The following MCOLN3 variants were observed in gnomAD, a reference collection of about 807,000 sequenced individuals.
MCOLN3 encodes the protein mucolipin TRP cation channel 3, also known as mucolipin-3.
In MCOLN3, 62 loss-of-function variants were observed where a neutral mutation model predicts 69.4. The ratio of observed to expected loss-of-function variants is 0.89; its 90% CI spans 0.73 to 1.10. MCOLN3 has a LOEUF of 1.10. Among genes scored for constraint, MCOLN3 ranks in the 50% least tolerant of loss-of-function variants. The pLI is 0.00. For missense variants in MCOLN3, 564 were observed against 656.4 expected (o/e 0.86, Z 1.54); for synonymous variants, 183 against 217.0 (o/e 0.84, Z 1.38).
At position 85,032,714 on chromosome 1, in the gene MCOLN3, ACAGT is replaced by A. The variant is rs749540669; in HGVS notation, c.710_713del (p.Asp237ValfsTer6). ...CACTTACAGTCAGAGTAAAGTCATA[ACAGT>A]CAGGGAGTTCTTGATGACGAACTGT... On this transcript the variant is annotated frameshift_variant, in exon 6 of 13. Coordinates refer to ENST00000370589, the MANE Select transcript of MCOLN3 (RefSeq NM_018298.11). LOFTEE classifies it high-confidence loss of function. The A allele has an allele frequency of 1.2e-6, 2 of 1,613,490 alleles. No homozygotes were observed. The highest frequency in any genetic ancestry group is 2.2e-5 in the South Asian group (2 of 91,078).
rs981664778 is a variant in MCOLN3, at chr1:85,025,570, G to A, written c.1095+369C>T. On this transcript the variant is annotated intron_variant, in intron 9 of 12. Coordinates refer to ENST00000370589, the MANE Select transcript of MCOLN3 (RefSeq NM_018298.11). The stretch of plus-strand genomic sequence containing the variant: ...CCCCACTCATTTTTGTTAAAGATTC[G>A]AGCATTTCTTGTAAGATTAAAAAAA... The A allele has an allele frequency of 3.5e-5, 6 of 171,170 alleles. No homozygotes were observed. The South Asian group carries it at 7.4e-4, about 21-fold the overall frequency. 10.6% of individuals were successfully genotyped at this position (171,170 alleles called of 1,614,324 possible).
intron 7 of MCOLN3, among the ~76,000 whole-genome samples, chr1:85,028,219 G>A (rs1571099640): frequency 1.3e-5 from 2 of 152,094 alleles, no homozygotes; most frequent in East Asian, 3.8e-4. Flanking sequence ...TACTATCATG[G>A]CAAAATTTCA....
rs747689272 is a variant in MCOLN3, at chr1:85,026,011, C to T, written c.1023G>A (p.Trp341Ter). 2.4e-5 allele frequency: 39 copies of T among 1,599,216 alleles called. No individual in the cohort carries two copies. In the South Asian group the frequency reaches 4.1e-4, roughly 17 times the overall value. Residue 341 changes from tryptophan to a stop codon, truncating the protein, a stop_gained, in exon 9 of 13, where the codon TGG (tryptophan) becomes TGA (stop). Transcript: ENST00000370589. LOFTEE classifies it high-confidence loss of function. Reference protein sequence around the residue: ...VSDQMEFVNGWYIMIIISDIL... With the variant: ...VSDQMEFVNG ...TGTCACTAATAATAATCATAATGTA[C>T]CATCCATTGACAAATTCCATTTGAT... is the stretch of plus-strand genomic sequence containing the variant.
chr1:85,041,695 C>A (rs1413280032), intron 2 of MCOLN3, among the ~76,000 whole-genome samples: 3 of 151,890 alleles, frequency 2.0e-5, no homozygotes, highest in African/African-American at 4.8e-5. Context: ...CATGGTGAAA[C>A]CCCATCTCTA....
At chr1:85,024,204 C>T (rs1005689186) in intron 9 of MCOLN3, among the ~76,000 whole-genome samples, 1 of 151,928 alleles carries the variant, frequency 6.6e-6, no homozygotes, top group African/African-American at 2.4e-5. Flanking sequence ...TCAGAAACAA[C>T]AAGATTAACT....
intron 6 of MCOLN3, among the ~76,000 whole-genome samples, chr1:85,032,030 C>T (rs1305395434): frequency 5.9e-5 from 9 of 151,952 alleles, no homozygotes; most frequent in East Asian, 1.9e-4. Context: ...GAGCCGAGAT[C>T]GCGCCACTGC....
intron 11 of MCOLN3, 31 bp downstream of exon 11, chr1:85,022,039 T>C: frequency 3.1e-6 from 5 of 1,601,856 alleles, no homozygotes; most frequent in Non-Finnish European, 3.4e-6. Flanking sequence ...AAAAGCTTAA[T>C]AGTAACAGGA....
At chr1:85,030,244 T>A (rs1045303497) in intron 6 of MCOLN3, among the ~76,000 whole-genome samples, 2 of 152,170 alleles carry the variant, frequency 1.3e-5, no homozygotes, top group Non-Finnish European at 2.9e-5. Context: ...GGCCTCCAAC[T>A]TGTACAAATA....
At chr1:85,023,062 G>GTGA (rs1652026655) in intron 9 of MCOLN3, 2 of 150,176 alleles carry the variant, frequency 1.3e-5, no homozygotes, top group Admixed American at 6.7e-5. Flanking sequence ...AGTTGACCAG[G>GTGA]TGATTTTTAT....
Position 85,022,816 on chromosome 1 carries a change from A to C in MCOLN3, c.1096-416T>G, listed in dbSNP as rs1431814752. On this transcript the variant is annotated intron_variant, in intron 9 of 12. Coordinates refer to ENST00000370589, the MANE Select transcript of MCOLN3 (RefSeq NM_018298.11). ...TGAGACAGGAGGGTGCTTGGCAAGG[A>C]TATTGCATCTGGCTGGAGTGAGCAA... The C allele has an allele frequency of 7.8e-5, 14 of 179,850 alleles. 1 individual carries two copies. The highest frequency in any genetic ancestry group is 1.1e-5 in the Non-Finnish European group (1 of 86,966). The allele number at this position is 179,850 out of a possible 1,614,324, so 11.1% of individuals were successfully genotyped here.
At chr1:85,022,025 T>C in intron 11 of MCOLN3, 45 bp downstream of exon 11, 1 of 1,584,222 alleles carries the variant, frequency 6.3e-7, no homozygotes, top group Non-Finnish European at 8.6e-7. Context: ...ACTGGCACTA[T>C]GCTAAAAGCT....
At chr1:85,032,846 G>A in intron 5 of MCOLN3, 26 bp downstream of exon 5, 1 of 1,613,684 alleles carries the variant, frequency 6.2e-7, no homozygotes, top group Non-Finnish European at 8.5e-7. Flanking sequence ...GCAAACGTAA[G>A]TTACACTCCT....
intron 6 of MCOLN3, chr1:85,029,485 T>G (rs1199951482): frequency 3.7e-6 from 1 of 268,616 alleles, no homozygotes; most frequent in Non-Finnish European, 7.0e-6. Context: ...GAGCACTTCC[T>G]CTTGCTCTCT....
intron 7 of MCOLN3, 150 bp downstream of exon 7, chr1:85,028,956 C>T: frequency 1.7e-6 from 1 of 582,818 alleles, no homozygotes; most frequent in Non-Finnish European, 3.0e-6. Context: ...TTGCCTGAAA[C>T]ATCAGAGTTG....
intron 6 of MCOLN3, among the ~76,000 whole-genome samples, chr1:85,032,000 C>T (rs571108389): frequency 5.9e-5 from 9 of 152,044 alleles, no homozygotes; most frequent in Non-Finnish European, 1.2e-4. Flanking sequence ...GGCGTGAACC[C>T]GGGAGGCGGA....
intron 2 of MCOLN3, among the ~76,000 whole-genome samples, chr1:85,042,191 G>A (rs1387919728): frequency 2.0e-5 from 3 of 152,306 alleles, no homozygotes; most frequent in Middle Eastern, 3.4e-3. Flanking sequence ...TTTTAGAGAT[G>A]AGGCTCAGAG....
At chr1:85,021,874 G>A (rs1439215228) in intron 11 of MCOLN3, among the ~76,000 whole-genome samples, 196 bp downstream of exon 11, 1 of 152,150 alleles carries the variant, frequency 6.6e-6, no homozygotes. Flanking sequence ...GAAAGAATGT[G>A]AGACAGTTGA....
intron 6 of MCOLN3, 99 bp downstream of exon 6, chr1:85,032,597 A>G (rs1286987950): frequency 5.6e-6 from 5 of 885,566 alleles, no homozygotes; most frequent in Non-Finnish European, 9.4e-6. Flanking sequence ...AAAACATCCT[A>G]TATTTTTTTA....
chr1:85,039,547 AC>A (rs1318522960), intron 3 of MCOLN3, among the ~76,000 whole-genome samples: 1 of 152,204 alleles, frequency 6.6e-6, no homozygotes, highest in Non-Finnish European at 1.5e-5. Flanking sequence ...GAAGGAACAG[AC>A]CAAGACAACT....
Sources: allele counts gnomAD v4.1 joint callset (sites outside exome capture counted in the v4.1 genomes callset), GRCh38; gene constraint gnomAD v4.1.1; transcripts MANE v1.5; gene names NCBI Gene and HGNC (gene_info 2026-07-23, HGNC 2026-07-21).